Variants in DGKH observed in about 807,000 individuals in gnomAD.
The protein encoded by DGKH is DAG kinase eta.
DGKH carries 90 observed loss-of-function variants against 159.3 expected under a neutral mutation model. The ratio of observed to expected loss-of-function variants is 0.57; its 90% CI spans 0.48 to 0.67. The LOEUF is 0.67. Among genes scored for constraint, DGKH ranks in the 30% least tolerant of loss-of-function variants. The probability of loss-of-function intolerance (pLI) is 0.00; values close to 1 mark genes in which losing one functional copy is unlikely to be tolerated. For missense variants in DGKH, 1,181 were observed against 1,506.1 expected (o/e 0.78, Z 3.57); for synonymous variants, 536 against 553.8 (o/e 0.97, Z 0.45).
intron 1 of DGKH, among the ~76,000 whole-genome samples, chr13:42,065,182 A>C (rs1286227696): frequency 6.6e-6 from 1 of 152,242 alleles, no homozygotes; most frequent in Non-Finnish European, 1.5e-5. Context: ...TTCCAGTCAC[A>C]GGGAAAGAAT....
At chr13:42,181,172 G>T (rs1956748369) in intron 13 of DGKH, among the ~76,000 whole-genome samples, 2 of 151,500 alleles carry the variant, frequency 1.3e-5, no homozygotes, top group Non-Finnish European at 2.9e-5. Context: ...AGCTACTCGG[G>T]AGGCTGAGGC....
rs1956549243 is a variant in DGKH, at chr13:42,174,396, T to C, written c.1452+252T>C. Among the ~76,000 whole-genome samples the C allele has an allele frequency of 4.6e-5, 7 of 152,134 alleles. No individual in the cohort carries two copies. The South Asian group carries it at 1.5e-3, about 32-fold the overall frequency. On this transcript the variant is annotated intron_variant, in intron 12 of 29. Transcript: ENST00000337343. ...CCAGTCACTCCTCTTCCTGGGACTC[T>C]TCATGTGTAAAGTGAGGCTACAAAG...
chr13:42,205,614 G>GCC (rs1957446336), intron 20 of DGKH, among the ~76,000 whole-genome samples: 1 of 152,160 alleles, frequency 6.6e-6, no homozygotes, highest in East Asian at 1.9e-4. Flanking sequence ...TGGTTGTAGA[G>GCC]CCCCAGCAAT....
At chr13:42,184,157 G>T (rs1390251531) in intron 13 of DGKH, among the ~76,000 whole-genome samples, 4 of 152,164 alleles carry the variant, frequency 2.6e-5, no homozygotes, top group African/African-American at 9.7e-5. Flanking sequence ...GATAGCTAGA[G>T]ATTTTTATGT....
intron 20 of DGKH, among the ~76,000 whole-genome samples, chr13:42,204,004 A>G (rs1176763105): frequency 6.6e-6 from 1 of 152,178 alleles, no homozygotes; most frequent in Non-Finnish European, 1.5e-5. Flanking sequence ...ACTCTATGAA[A>G]TGGACATTAA....
chr13:42,204,046 T>C (rs1957404275), intron 20 of DGKH, among the ~76,000 whole-genome samples: 2 of 152,182 alleles, frequency 1.3e-5, no homozygotes, highest in African/African-American at 2.4e-5. Context: ...GCTTAATATA[T>C]ATATATTCAC....
At chr13:42,215,706 T>C (rs1466427201) in intron 26 of DGKH, 39 bp downstream of exon 26, 1 of 1,551,994 alleles carries the variant, frequency 6.4e-7, no homozygotes, top group South Asian at 1.2e-5. Context: ...GAATGATGAA[T>C]TAAATGTCTG....
intron 13 of DGKH, among the ~76,000 whole-genome samples, chr13:42,180,053 C>T (rs532024164): frequency 1.3e-5 from 2 of 152,188 alleles, no homozygotes; most frequent in Non-Finnish European, 2.9e-5. Context: ...ATTTACTTAA[C>T]TATATTAAAC....
intron 1 of DGKH, among the ~76,000 whole-genome samples, chr13:42,064,093 C>G (rs149549880): frequency 8.3e-4 from 127 of 152,160 alleles, no homozygotes; most frequent in African/African-American, 2.9e-3. Flanking sequence ...AGCTGGGCTT[C>G]CCTCAGAGCA....
intron 21 of DGKH, among the ~76,000 whole-genome samples, chr13:42,207,955 A>G (rs1026002967): frequency 2.0e-5 from 3 of 152,006 alleles, no homozygotes; most frequent in African/African-American, 7.2e-5. Context: ...ACTATTAAGT[A>G]TTTTGAAGGG....
chr13:42,077,149 A>G (rs1184054297), intron 1 of DGKH, among the ~76,000 whole-genome samples: 1 of 152,124 alleles, frequency 6.6e-6, no homozygotes, highest in Non-Finnish European at 1.5e-5. Flanking sequence ...CTTCCACTAG[A>G]CCATTAATAA....
intron 24 of DGKH, among the ~76,000 whole-genome samples, chr13:42,212,606 GT>G (rs756847861): frequency 2.6e-5 from 4 of 152,202 alleles, no homozygotes; most frequent in Non-Finnish European, 5.9e-5. Flanking sequence ...GGTCAACGTA[GT>G]TTGGCTTCCC....
At chr13:42,105,782 G>T (rs1032757710) in intron 1 of DGKH, among the ~76,000 whole-genome samples, 1 of 152,150 alleles carries the variant, frequency 6.6e-6, no homozygotes, top group East Asian at 1.9e-4. Flanking sequence ...ATCCTTTCTA[G>T]ATCTTAAATA....
chr13:42,233,045 T>G lies in DGKH; in HGVS notation c.*3857T>G, dbSNP rs1353914708. 1 of 152,224 alleles carries G rather than the reference T, an allele frequency of 6.6e-6. No homozygotes were observed. The highest frequency in any genetic ancestry group is 2.4e-5 in the African/African-American group (1 of 41,430). 9.4% of individuals were successfully genotyped at this position (152,224 alleles called of 1,614,324 possible). On this transcript the variant is annotated 3_prime_UTR_variant, in exon 30 of 30. Coordinates refer to ENST00000337343, the MANE Select transcript of DGKH (RefSeq NM_178009.5). ...ATTCTGAAGGCTGAGGTGGGAGGAT[T>G]GCTTGAGACCAGGAGTTCAAGGCTG...
chr13:42,241,560 T>G lies in DGKH; in HGVS notation c.*12372T>G, dbSNP rs1233276531. ...TAGATCTGTAGAATGTGAACTCACA[T>G]TTAAAGTTTATTTTGGGAAGGCATA... On this transcript the variant is annotated 3_prime_UTR_variant, in exon 30 of 30. Coordinates refer to ENST00000337343, the MANE Select transcript of DGKH (RefSeq NM_178009.5). 1 of 152,214 alleles carries G rather than the reference T, an allele frequency of 6.6e-6. No homozygotes were observed. Among genetic ancestry groups the G allele is most frequent in the East Asian group, 1.9e-4 (1 of 5,202 alleles). The allele number at this position is 152,214 out of a possible 1,614,324, so 9.4% of individuals were successfully genotyped here.
At chr13:42,227,367 C>T (rs1460275420) in intron 29 of DGKH, among the ~76,000 whole-genome samples, 1 of 152,100 alleles carries the variant, frequency 6.6e-6, no homozygotes, top group Non-Finnish European at 1.5e-5. Context: ...GATTCTACCT[C>T]CCCCAAAGAA....
rs1398923696 is a variant in DGKH at position 42,230,683 on chromosome 13, T to C, written c.*1495T>C. On this transcript the variant is annotated 3_prime_UTR_variant, in exon 30 of 30. Coordinates refer to ENST00000337343, the MANE Select transcript of DGKH (RefSeq NM_178009.5). ...ACAGATATATACATATACACATATATGTGTATATATACATACATACACATA... is the reference window on the plus strand; with the variant it reads ...ACAGATATATACATATACACATATACGTGTATATATACATACATACACATA... 3 of 152,096 alleles carry C rather than the reference T, an allele frequency of 2.0e-5. No individual in the cohort carries two copies. The highest frequency in any genetic ancestry group is 2.0e-4 in the Admixed American group (3 of 15,246). 9.4% of individuals were successfully genotyped at this position (152,096 alleles called of 1,614,324 possible). A position where few individuals can be genotyped will look rare whatever the true frequency, so the allele number is the denominator to read the frequency against.
intron 1 of DGKH, among the ~76,000 whole-genome samples, chr13:42,042,458 T>TA: frequency 6.6e-6 from 1 of 152,356 alleles, no homozygotes; most frequent in East Asian, 1.9e-4. Context: ...TTTCCAGTCT[T>TA]AGCACTGGAG....
chr13:42,044,049 G>A (rs1379633662), upstream of DGKH: 1 of 152,138 alleles, frequency 6.6e-6, no homozygotes, highest in Non-Finnish European at 1.5e-5. Flanking sequence ...CGCACCTATA[G>A]TTCTAGATAT....
Sources: gnomAD v4.1 joint callset for allele counts (sites outside exome capture counted in the v4.1 genomes callset) on GRCh38, gnomAD v4.1.1 for gene constraint, MANE v1.5 for transcripts, NCBI Gene and HGNC (gene_info 2026-07-23, HGNC 2026-07-21) for gene names.